Variants in NSMCE3 observed in about 807,000 individuals in gnomAD.
The protein encoded by NSMCE3 is NSE3 component of SMC5/6 complex.
For synonymous variants in NSMCE3, 214 were observed against 172.2 expected (o/e 1.24, Z -1.90); for missense variants, 452 against 399.5 (o/e 1.13, Z -1.12).
At position 29,268,785 on chromosome 15, in the gene NSMCE3, C is replaced by T; in HGVS notation, c.*6G>A. 6.3e-7 allele frequency: 1 copy of T among 1,593,228 alleles called. No homozygotes were observed. The highest frequency in any genetic ancestry group is 8.6e-7 in the Non-Finnish European group (1 of 1,168,796). The stretch of plus-strand genomic sequence containing the variant: ...CTTGTCCCGGGGGTCCCTCTGAATC[C>T]ACCTTTCAAGAGGATGGAGCTGGGC... On this transcript the variant is annotated 3_prime_UTR_variant, in exon 1 of 1. Coordinates refer to ENST00000332303, the MANE Select transcript of NSMCE3 (RefSeq NM_138704.4).
chr15:29,266,738 C>T lies in NSMCE3; in HGVS notation c.*2053G>A, dbSNP rs2043487824. 1 of 152,168 alleles carries T rather than the reference C, an allele frequency of 6.6e-6. No individual in the cohort carries two copies. The highest frequency in any genetic ancestry group is 6.5e-5 in the Admixed American group (1 of 15,280). The allele number at this position is 152,168 out of a possible 1,614,324, so 9.4% of individuals were successfully genotyped here. ...TACATGTATAGTAAAATTATAAAGT[C>T]ATACAACAGCCCGATAGCCACAGAC... On this transcript the variant is annotated 3_prime_UTR_variant, in exon 1 of 1. Transcript: ENST00000332303.
In NSMCE3 at chr15:29,266,319, T is replaced by C. The variant is rs1023009616; in HGVS notation, c.*2472A>G. 2 of 152,156 alleles carry C rather than the reference T, an allele frequency of 1.3e-5. No homozygotes were observed. Among genetic ancestry groups the C allele is most frequent in the Non-Finnish European group, 2.9e-5 (2 of 68,018 alleles). The allele number at this position is 152,156 out of a possible 1,614,324, so 9.4% of individuals were successfully genotyped here. On this transcript the variant is annotated 3_prime_UTR_variant, in exon 1 of 1. Transcript: ENST00000332303. ...TTCACAGGGGGTGAAGGTGGAGGGA[T>C]TGGTAAACAAAAACAAAACAAAACT...
In NSMCE3 at chr15:29,269,188, G is replaced by A. The variant is rs1408909639; in HGVS notation, c.518C>T (p.Thr173Met). ...EDAEMRGDQG[T>M]PTTGLLMIVL... is the part of the protein sequence containing the mutation. The stretch of plus-strand genomic sequence containing the variant: ...GATCATCAGGAGGCCCGTAGTGGGC[G>A]TGCCTTGGTCACCCCTCATCTCGGC... Residue 173 changes from threonine (T) to methionine (M), a missense_variant, in exon 1 of 1, where the codon ACG becomes ATG. Transcript: ENST00000332303. 3 of 1,614,152 alleles carry A rather than the reference G, an allele frequency of 1.9e-6. No homozygotes were observed. The highest frequency in any genetic ancestry group is 1.3e-5 in the African/African-American group (1 of 75,032).
At position 29,268,619 on chromosome 15, in the gene NSMCE3, C is replaced by A; in HGVS notation, c.*172G>T. The stretch of plus-strand genomic sequence containing the variant: ...TTTGTTTATAGATGAAAATCTGGAG[C>A]AAAATAACACAACATTAAAAAAACA... On this transcript the variant is annotated 3_prime_UTR_variant, in exon 1 of 1. Transcript: ENST00000332303. 1 of 535,768 alleles carries A rather than the reference C, an allele frequency of 1.9e-6. No homozygotes were observed. The highest frequency in any genetic ancestry group is 3.1e-6 in the Non-Finnish European group (1 of 324,148). The allele number at this position is 535,768 out of a possible 1,614,324, so 33.2% of individuals were successfully genotyped here.
In NSMCE3 at chr15:29,269,377, T is replaced by C. The variant is rs1328998993; in HGVS notation, c.329A>G (p.Asp110Gly). ...DQKKIPIKRADILKHVIGDYK... is the reference protein window; with the variant it reads ...DQKKIPIKRAGILKHVIGDYK... ...GTCCCCGATGACGTGCTTCAGTATG[T>C]CGGCCCGCTTGATCGGAATCTTCTT... Residue 110 changes from aspartate (D) to glycine (G), a missense_variant, in exon 1 of 1, where the codon GAC becomes GGC. Coordinates refer to ENST00000332303, the MANE Select transcript of NSMCE3 (RefSeq NM_138704.4). The C allele has an allele frequency of 2.5e-6, 4 of 1,614,170 alleles. No individual in the cohort carries two copies. Among genetic ancestry groups the C allele is most frequent in the Non-Finnish European group, 3.4e-6 (4 of 1,180,032 alleles).
rs1567117533 is a variant in NSMCE3, at chr15:29,269,739, T to C, written c.-34A>G. The C allele has an allele frequency of 3.4e-6, 5 of 1,452,348 alleles. No individual in the cohort carries two copies. Among genetic ancestry groups the C allele is most frequent in the Middle Eastern group, 2.0e-4 (1 of 5,090 alleles). The allele number at this position is 1,452,348 out of a possible 1,614,324, so 90.0% of individuals were successfully genotyped here. A position where few individuals can be genotyped will look rare whatever the true frequency, so the allele number is the denominator to read the frequency against. On this transcript the variant is annotated 5_prime_UTR_variant, in exon 1 of 1. Transcript: ENST00000332303. ...CGGCAGGTGCCGGCGCACACTCCGG[T>C]AGGCAAGCAGCCGCGGCGGGGATTG...
chr15:29,269,421 G>C lies in NSMCE3; in HGVS notation c.285C>G (p.Phe95Leu), dbSNP rs772324482. 1.2e-6 allele frequency: 2 copies of C among 1,614,150 alleles called. No homozygotes were observed. The highest frequency in any genetic ancestry group is 1.7e-6 in the Non-Finnish European group (2 of 1,180,020). Residue 95 changes from phenylalanine to leucine, a missense_variant, in exon 1 of 1, where the codon TTC becomes TTG. By Grantham distance (22) the Phe-to-Leu change is conservative. Transcript: ENST00000332303. ...LELKVSELVQ[F>L]LLIKDQKKIP... The stretch of plus-strand genomic sequence containing the variant: ...TCTTCTTCTGGTCTTTAATCAGCAA[G>C]AACTGCACCAGCTCGGACACTTTCA...
rs138846663 is a variant in NSMCE3 at position 29,269,445 on chromosome 15, C to G, written c.261G>C (p.Leu87=). 2.5e-6 allele frequency: 4 copies of G among 1,614,018 alleles called. No homozygotes were observed. The African/African-American group carries it at 5.3e-5, about 22-fold the overall frequency. The change falls in exon 1 of 1, where the codon CTG becomes CTC. Residue 87 remains leucine (L), a synonymous_variant. Coordinates refer to ENST00000332303, the MANE Select transcript of NSMCE3 (RefSeq NM_138704.4). ...AGAACTGCACCAGCTCGGACACTTT[C>G]AGCTCCAGCTGCTTCTGGCTCCTGG... ...VGPRSQKQLE[L]KVSELVQFLL...
rs1596144072 is a variant in NSMCE3 at position 29,268,894 on chromosome 15, T to C, written c.812A>G (p.His271Arg). 3.7e-6 allele frequency: 6 copies of C among 1,614,220 alleles called. No homozygotes were observed. The South Asian group carries it at 5.5e-5, about 15-fold the overall frequency. ...MKVLKFVAKV[H>R]NQDPKDWPAQ... ...TGGCCAGTCCTTGGGGTCTTGATTA[T>C]GGACCTTGGCCACAAACTTAAGAAC... Residue 271 changes from histidine to arginine, a missense_variant, in exon 1 of 1, where the codon CAT becomes CGT. Physicochemically the swap from His to Arg is conservative, Grantham distance 29. Transcript: ENST00000332303.
Position 29,267,551 on chromosome 15 carries a change from C to T in NSMCE3, c.*1240G>A, listed in dbSNP as rs59216389. 1 of 152,080 alleles carries T rather than the reference C, an allele frequency of 6.6e-6. No individual in the cohort carries two copies. Among genetic ancestry groups the T allele is most frequent in the Non-Finnish European group, 1.5e-5 (1 of 68,038 alleles). The allele number at this position is 152,080 out of a possible 1,614,324, so 9.4% of individuals were successfully genotyped here. On this transcript the variant is annotated 3_prime_UTR_variant, in exon 1 of 1. Coordinates refer to ENST00000332303, the MANE Select transcript of NSMCE3 (RefSeq NM_138704.4). ...TGCCAGACAGCCCCAAGACCCATAC[C>T]CTTTTCCCTATACCTAACTCCCTAG... is the stretch of plus-strand genomic sequence containing the variant.
In NSMCE3 at chr15:29,267,197, T is replaced by C. The variant is rs2043498289; in HGVS notation, c.*1594A>G. Reference sequence around the variant, plus strand: ...ATAGACTCTTTTAAATGACATTCCGTCCAGTGTTGATGAAGTTCACTTTTT... The same window carrying C: ...ATAGACTCTTTTAAATGACATTCCGCCCAGTGTTGATGAAGTTCACTTTTT... On this transcript the variant is annotated 3_prime_UTR_variant, in exon 1 of 1. Coordinates refer to ENST00000332303, the MANE Select transcript of NSMCE3 (RefSeq NM_138704.4). The C allele has an allele frequency of 6.6e-6, 1 of 152,174 alleles. No individual in the cohort carries two copies. The highest frequency in any genetic ancestry group is 6.5e-5 in the Admixed American group (1 of 15,284). 9.4% of individuals were successfully genotyped at this position (152,174 alleles called of 1,614,324 possible).
At position 29,267,845 on chromosome 15, in the gene NSMCE3, C is replaced by T. The variant is rs1229482902; in HGVS notation, c.*946G>A. ...TAAAACCATTTTACAGGTCAAGAAACATCTGCATACAAACTAAGGAACCTA... is the reference window on the plus strand; with the variant it reads ...TAAAACCATTTTACAGGTCAAGAAATATCTGCATACAAACTAAGGAACCTA... On this transcript the variant is annotated 3_prime_UTR_variant, in exon 1 of 1. Transcript: ENST00000332303. The T allele has an allele frequency of 6.6e-6, 1 of 152,150 alleles. No homozygotes were observed. Among genetic ancestry groups the T allele is most frequent in the Non-Finnish European group, 1.5e-5 (1 of 68,026 alleles). The allele number at this position is 152,150 out of a possible 1,614,324, so 9.4% of individuals were successfully genotyped here.
At position 29,266,671 on chromosome 15, in the gene NSMCE3, T is replaced by C. The variant is rs751639078; in HGVS notation, c.*2120A>G. On this transcript the variant is annotated 3_prime_UTR_variant, in exon 1 of 1. Coordinates refer to ENST00000332303, the MANE Select transcript of NSMCE3 (RefSeq NM_138704.4). The stretch of plus-strand genomic sequence containing the variant: ...CACGTAACACCGCTTATATAAATCA[T>C]GAAAGCCCACAAAATAAAACTCTAT... 2.0e-5 allele frequency: 3 copies of C among 152,120 alleles called. No homozygotes were observed. Among genetic ancestry groups the C allele is most frequent in the South Asian group, 2.1e-4 (1 of 4,826 alleles). 9.4% of individuals were successfully genotyped at this position (152,120 alleles called of 1,614,324 possible).
rs567740694 is a variant in NSMCE3 at position 29,269,665 on chromosome 15, T to G, written c.41A>C (p.Gln14Pro). Residue 14 changes from glutamine to proline, a missense_variant, in exon 1 of 1, where the codon CAG (glutamine) becomes CCG (proline). Transcript: ENST00000332303. ...GCTCCAGTCTCTGTCCCTCTCGGCCTGGCCGCCAGAGCGGCCCCGGTTCCT... is the reference window on the plus strand; with the variant it reads ...GCTCCAGTCTCTGTCCCTCTCGGCCGGGCCGCCAGAGCGGCCCCGGTTCCT... ...KPRNRGRSGG[Q>P]AERDRDWSHS... is the part of the protein sequence containing the mutation. 1,460 of 1,561,628 alleles carry G rather than the reference T, an allele frequency of 9.3e-4. No homozygotes were observed. The highest frequency in any genetic ancestry group is 1.4e-3 in the Admixed American group (75 of 52,326).
rs1596143736 is a variant in NSMCE3 at position 29,268,634 on chromosome 15, T to C, written c.*157A>G. The C allele has an allele frequency of 1.6e-6, 1 of 617,842 alleles. No individual in the cohort carries two copies. The highest frequency in any genetic ancestry group is 3.0e-5 in the East Asian group (1 of 33,450). 38.3% of individuals were successfully genotyped at this position (617,842 alleles called of 1,614,324 possible). A position where few individuals can be genotyped will look rare whatever the true frequency, so the allele number is the denominator to read the frequency against. Reference sequence around the variant, plus strand: ...AAATCTGGAGCAAAATAACACAACATTAAAAAAACAAAACTTTGCAAACAC... The same window carrying C: ...AAATCTGGAGCAAAATAACACAACACTAAAAAAACAAAACTTTGCAAACAC... On this transcript the variant is annotated 3_prime_UTR_variant, in exon 1 of 1. Transcript: ENST00000332303.
chr15:29,269,243 T>C lies in NSMCE3; in HGVS notation c.463A>G (p.Ile155Val). 6.2e-7 allele frequency: 1 copy of C among 1,614,128 alleles called. No homozygotes were observed. The highest frequency in any genetic ancestry group is 8.5e-7 in the Non-Finnish European group (1 of 1,180,026). The change falls in exon 1 of 1, where the codon ATC (isoleucine) becomes GTC (valine). Residue 155 changes from isoleucine to valine, a missense_variant. Coordinates refer to ENST00000332303, the MANE Select transcript of NSMCE3 (RefSeq NM_138704.4). The part of the protein sequence containing the change: ...LEPKSNTYIL[I>V]NTLEPVEEDA... ...TCCTCCACAGGCTCCAGGGTGTTGA[T>C]GAGGATGTAAGTGTTGCTCTTGGGT...
In NSMCE3 at chr15:29,269,209, T is replaced by C. The variant is rs1203009614; in HGVS notation, c.497A>G (p.Glu166Gly). 1 of 1,613,992 alleles carries C rather than the reference T, an allele frequency of 6.2e-7. No individual in the cohort carries two copies. The highest frequency in any genetic ancestry group is 8.5e-7 in the Non-Finnish European group (1 of 1,180,026). Reference protein sequence around the residue: ...NTLEPVEEDAEMRGDQGTPTT... With the variant: ...NTLEPVEEDAGMRGDQGTPTT... ...GGGCGTGCCTTGGTCACCCCTCATCTCGGCATCCTCCTCCACAGGCTCCAG... is the reference window on the plus strand; with the variant it reads ...GGGCGTGCCTTGGTCACCCCTCATCCCGGCATCCTCCTCCACAGGCTCCAG... Residue 166 changes from glutamate to glycine, a missense_variant, in exon 1 of 1, where the codon GAG becomes GGG. By Grantham distance (98) the Glu-to-Gly change is moderately conservative. Transcript: ENST00000332303.
At position 29,269,771 on chromosome 15, in the gene NSMCE3, G is replaced by T. The variant is rs918501430; in HGVS notation, c.-66C>A. Reference sequence around the variant, plus strand: ...GCAGCCGCGGCGGGGATTGCGGGTCGGCGACCCGCTAACGCCGGTGCCTGG... The same window carrying T: ...GCAGCCGCGGCGGGGATTGCGGGTCTGCGACCCGCTAACGCCGGTGCCTGG... On this transcript the variant is annotated 5_prime_UTR_variant, in exon 1 of 1. Transcript: ENST00000332303. The T allele has an allele frequency of 8.0e-6, 11 of 1,380,676 alleles. No homozygotes were observed. Among genetic ancestry groups the T allele is most frequent in the South Asian group, 4.9e-5 (3 of 60,734 alleles). 85.5% of individuals were successfully genotyped at this position (1,380,676 alleles called of 1,614,324 possible). A position where few individuals can be genotyped will look rare whatever the true frequency, so the allele number is the denominator to read the frequency against.
In NSMCE3 at chr15:29,268,767, C is replaced by T. The variant is rs1023363081; in HGVS notation, c.*24G>A. ...GCCTTTGGGTCTCAGACCCTTGTCC[C>T]GGGGGTCCCTCTGAATCCACCTTTC... On this transcript the variant is annotated 3_prime_UTR_variant, in exon 1 of 1. Coordinates refer to ENST00000332303, the MANE Select transcript of NSMCE3 (RefSeq NM_138704.4). The T allele has an allele frequency of 3.7e-5, 58 of 1,576,424 alleles. 2 individuals are homozygous for T. The South Asian group carries it at 6.1e-4, about 17-fold the overall frequency.
Sources: gnomAD v4.1 joint callset for allele counts on GRCh38, gnomAD v4.1.1 for gene constraint, MANE v1.5 for transcripts, NCBI Gene and HGNC (gene_info 2026-07-23, HGNC 2026-07-21) for gene names.